The following NAALADL2 variants were observed in gnomAD, a reference collection of about 807,000 sequenced individuals.
The protein encoded by NAALADL2 is inactive N-acetylated-alpha-linked acidic dipeptidase-like protein 2.
In NAALADL2, 76 loss-of-function variants were observed where a neutral mutation model predicts 87.2. The observed-to-expected ratio is 0.87, with a 90% CI of 0.72 to 1.05. The LOEUF (loss-of-function observed/expected upper bound fraction) is 1.05, where lower values mean the gene tolerates loss of function less well. NAALADL2 is among the 50% of genes least tolerant of loss of function. NAALADL2 has a pLI of 0.00. For synonymous variants in NAALADL2, 354 were observed against 331.0 expected (o/e 1.07, Z -0.75); for missense variants, 1,089 against 945.8 (o/e 1.15, Z -1.99).
intron 4 of NAALADL2, among the ~76,000 whole-genome samples, chr3:175,276,525 G>A (rs915927653): frequency 7.2e-5 from 11 of 151,900 alleles, no homozygotes; most frequent in South Asian, 2.1e-4. Flanking sequence ...GGATGGTCTC[G>A]ATTTCCTGAC....
At chr3:175,190,420 A>T (rs1165935627) in intron 2 of NAALADL2, among the ~76,000 whole-genome samples, 1 of 152,122 alleles carries the variant, frequency 6.6e-6, no homozygotes, top group African/African-American at 2.4e-5. Context: ...AAAACATAAA[A>T]TGGCCATCAG....
intron 2 of NAALADL2, among the ~76,000 whole-genome samples, chr3:174,704,905 G>A (rs550012478): frequency 6.6e-6 from 1 of 152,232 alleles, no homozygotes; most frequent in South Asian, 2.1e-4. Flanking sequence ...TTAAGTTCCT[G>A]CAGCATATTT....
chr3:174,653,480 A>G (rs1724591268), intron 2 of NAALADL2, among the ~76,000 whole-genome samples: 3 of 152,188 alleles, frequency 2.0e-5, no homozygotes, highest in African/African-American at 7.2e-5. Context: ...TTGGGACTTT[A>G]CAATTTAGTA....
intron 1 of NAALADL2, among the ~76,000 whole-genome samples, chr3:175,008,213 A>T (rs1174682963): frequency 6.6e-6 from 1 of 152,048 alleles, no homozygotes; most frequent in Non-Finnish European, 1.5e-5. Flanking sequence ...ACACTTCTAT[A>T]CAAAAAAAAT....
intron 2 of NAALADL2, among the ~76,000 whole-genome samples, chr3:175,204,519 T>C (rs555173333): frequency 2.0e-4 from 30 of 152,166 alleles, no homozygotes; most frequent in Non-Finnish European, 3.4e-4. Flanking sequence ...CTGAAAGCAT[T>C]CCCTCTGAGG....
chr3:175,072,639 C>T (rs1328319356), intron 1 of NAALADL2, among the ~76,000 whole-genome samples: 1 of 130,650 alleles, frequency 7.7e-6, no homozygotes, highest in Non-Finnish European at 1.5e-5. Flanking sequence ...TGTCCAATTG[C>T]TTTTCTTTCT....
chr3:175,310,112 A>G (rs1758177713), intron 4 of NAALADL2, among the ~76,000 whole-genome samples: 1 of 152,194 alleles, frequency 6.6e-6, no homozygotes, highest in South Asian at 2.1e-4. Context: ...TTCCAAAGTG[A>G]TTTGACATAT....
At chr3:174,489,996 T>A (rs1578013030) in intron 1 of NAALADL2, among the ~76,000 whole-genome samples, 2 of 152,172 alleles carry the variant, frequency 1.3e-5, no homozygotes, top group South Asian at 4.1e-4. Flanking sequence ...AGTTGGGCAA[T>A]TTCTCAAATC....
At chr3:174,916,358 C>G (rs1734386607) in intron 1 of NAALADL2, among the ~76,000 whole-genome samples, 1 of 152,076 alleles carries the variant, frequency 6.6e-6, no homozygotes, top group Non-Finnish European at 1.5e-5. Context: ...AGTAATCTCA[C>G]TCCTGGGTAT....
chr3:174,912,451 G>A (rs1368533280), intron 1 of NAALADL2, among the ~76,000 whole-genome samples: 2 of 152,082 alleles, frequency 1.3e-5, no homozygotes, highest in African/African-American at 4.8e-5. Flanking sequence ...TCAGTACATG[G>A]ACACCCTAAG....
At chr3:175,630,476 TA>T (rs542638122) in intron 11 of NAALADL2, among the ~76,000 whole-genome samples, 145 of 151,546 alleles carry the variant, frequency 9.6e-4, no homozygotes, top group Middle Eastern at 3.4e-3. Flanking sequence ...ATTAACTCAT[TA>T]AAAAAAACTA....
intron 3 of NAALADL2, among the ~76,000 whole-genome samples, chr3:175,236,412 G>A (rs900225495): frequency 5.9e-5 from 9 of 151,778 alleles, no homozygotes; most frequent in African/African-American, 1.9e-4. Context: ...AACCGGGCCC[G>A]GTGGCAGGCT....
intron 3 of NAALADL2, among the ~76,000 whole-genome samples, chr3:174,840,119 C>G (rs984808040): frequency 6.6e-6 from 1 of 151,066 alleles, no homozygotes; most frequent in African/African-American, 2.4e-5. Flanking sequence ...CATCAATCAA[C>G]GAGTGGATAA....
intron 2 of NAALADL2, among the ~76,000 whole-genome samples, chr3:174,573,478 C>A (rs1232421390): frequency 6.6e-6 from 1 of 152,068 alleles, no homozygotes; most frequent in Non-Finnish European, 1.5e-5. Flanking sequence ...TGTCTCAGTC[C>A]ATTTTTGTGT....
intron 2 of NAALADL2, among the ~76,000 whole-genome samples, chr3:174,656,154 G>A (rs748388274): frequency 6.6e-6 from 1 of 152,078 alleles, no homozygotes; most frequent in African/African-American, 2.4e-5. Flanking sequence ...AGCAAATATC[G>A]GCTACTGGAG....
At chr3:174,487,067 C>T (rs79972697) in intron 1 of NAALADL2, among the ~76,000 whole-genome samples, 12,115 of 151,860 alleles carry the variant, frequency 0.08, 625 homozygotes, top group Middle Eastern at 0.12. Flanking sequence ...GGTCCTGATG[C>T]TTAGACGATG....
chr3:175,266,028 C>T (rs978509039), intron 4 of NAALADL2, among the ~76,000 whole-genome samples: 8 of 150,176 alleles, frequency 5.3e-5, no homozygotes, highest in Non-Finnish European at 1.2e-4. Context: ...GTTTTAATAT[C>T]GAGCAGTTAA....
In NAALADL2 at chr3:174,547,423, A is replaced by C. The variant is rs1207516974; in HGVS notation, c.-183-3146A>C. ...GGATTATAGTGTCCTGTGTGGGATT[A>C]GTAGGTTAATTTATAGCTACTTGTG... On this transcript the variant is annotated intron_variant, in intron 1 of 3. Transcript: ENST00000434257. Among the ~76,000 whole-genome samples the C allele has an allele frequency of 5.9e-5, 9 of 152,128 alleles. No individual in the cohort carries two copies. The South Asian group carries it at 1.9e-3, about 32-fold the overall frequency.
intron 2 of NAALADL2, among the ~76,000 whole-genome samples, chr3:175,209,349 A>C (rs1363934521): frequency 6.6e-6 from 1 of 152,102 alleles, no homozygotes; most frequent in Non-Finnish European, 1.5e-5. Context: ...AATTACTGCC[A>C]AACTAGTCAG....
Sources: gnomAD v4.1 joint callset for allele counts (sites outside exome capture counted in the v4.1 genomes callset) on GRCh38, gnomAD v4.1.1 for gene constraint, MANE v1.5 for transcripts, NCBI Gene and HGNC (gene_info 2026-07-23, HGNC 2026-07-21) for gene names.